AGMO: variants seen among roughly 807,000 people sequenced by gnomAD.
The protein encoded by AGMO is alkylglycerol monooxygenase.
Under a neutral mutation model 60.2 loss-of-function variants are expected in AGMO, and 75 were observed. The observed-to-expected ratio is 1.25, with a 90% CI of 1.03 to 1.51. The LOEUF (loss-of-function observed/expected upper bound fraction) is 1.51, where lower values mean the gene tolerates loss of function less well. Among genes scored for constraint, AGMO ranks in the 40% most tolerant of loss-of-function variants. AGMO has a pLI of 0.00. For missense variants in AGMO, 763 were observed against 525.5 expected (o/e 1.45, Z -4.42); for synonymous variants, 261 against 177.1 (o/e 1.47, Z -3.76).
chr7:15,265,385 A>T (rs898964925), intron 12 of AGMO, among the ~76,000 whole-genome samples: 1 of 152,040 alleles, frequency 6.6e-6, no homozygotes, highest in African/African-American at 2.4e-5. Context: ...AAGCCTCAGC[A>T]TCACGCAGTA....
rs1784280543 is a variant in AGMO at position 15,394,320 on chromosome 7, C to T, written c.610-141G>A. ...GGTATCAGAGAGTGGAAAAAAGTTC[C>T]ACTGAAATCTGGAATTCATATAAAG... On this transcript the variant is annotated intron_variant, in intron 5 of 12. Coordinates refer to ENST00000342526, the MANE Select transcript of AGMO (RefSeq NM_001004320.2). The T allele has an allele frequency of 4.5e-6, 3 of 661,112 alleles. No individual in the cohort carries two copies. The South Asian group carries it at 5.7e-5, about 13-fold the overall frequency. 41.0% of individuals were successfully genotyped at this position (661,112 alleles called of 1,614,324 possible).
chr7:15,297,018 CCT>C (rs899043580), intron 12 of AGMO, among the ~76,000 whole-genome samples: 17 of 151,944 alleles, frequency 1.1e-4, no homozygotes, highest in African/African-American at 3.9e-4. Flanking sequence ...GCTATTCATA[CCT>C]CTCTTTCTCA....
intron 10 of AGMO, among the ~76,000 whole-genome samples, chr7:15,383,885 T>A (rs1783800128): frequency 6.6e-6 from 1 of 152,184 alleles, no homozygotes; most frequent in Non-Finnish European, 1.5e-5. Context: ...TTAATCTGTT[T>A]ATGTATTGAC....
At chr7:15,373,978 C>A (rs1783339532) in intron 10 of AGMO, among the ~76,000 whole-genome samples, 1 of 152,168 alleles carries the variant, frequency 6.6e-6, no homozygotes, top group Non-Finnish European at 1.5e-5. Flanking sequence ...GCTTTCTTGG[C>A]ATACTTATCC....
intron 12 of AGMO, among the ~76,000 whole-genome samples, chr7:15,349,063 T>C (rs758023633): frequency 5.9e-5 from 9 of 152,146 alleles, no homozygotes; most frequent in Non-Finnish European, 1.3e-4. Flanking sequence ...AGTAACACTT[T>C]ATGAGTACAA....
intron 12 of AGMO, among the ~76,000 whole-genome samples, chr7:15,362,495 A>C (rs150168239): frequency 6.6e-6 from 1 of 152,202 alleles, no homozygotes; most frequent in African/African-American, 2.4e-5. Context: ...GTAATTTATC[A>C]ATTTCTTCCT....
intron 12 of AGMO, among the ~76,000 whole-genome samples, chr7:15,236,796 T>C (rs1322318059): frequency 6.6e-6 from 1 of 152,006 alleles, no homozygotes; most frequent in Non-Finnish European, 1.5e-5. Flanking sequence ...GTCTAGTTAC[T>C]AGTTAGTGAT....
chr7:15,370,214 T>C (rs891397280), intron 10 of AGMO, among the ~76,000 whole-genome samples: 4 of 152,200 alleles, frequency 2.6e-5, no homozygotes, highest in African/African-American at 9.7e-5. Context: ...TGCATTCACG[T>C]TGCTGCAAAG....
chr7:15,425,297 A>T (rs141215230), intron 4 of AGMO, among the ~76,000 whole-genome samples: 2,091 of 152,206 alleles, frequency 0.014, 38 homozygotes, highest in African/African-American at 0.044. Flanking sequence ...ATAAATGAAT[A>T]TATTTTTAAA....
chr7:15,374,690 T>A (rs980870002), intron 10 of AGMO, among the ~76,000 whole-genome samples: 2 of 152,056 alleles, frequency 1.3e-5, no homozygotes, highest in Non-Finnish European at 2.9e-5. Flanking sequence ...ACAAATGACA[T>A]GATCCATATT....
At chr7:15,362,882 T>A (rs1782819726) in intron 12 of AGMO, among the ~76,000 whole-genome samples, 1 of 152,242 alleles carries the variant, frequency 6.6e-6, no homozygotes, top group Non-Finnish European at 1.5e-5. Flanking sequence ...AGTATTATCA[T>A]CATTACATGG....
At chr7:15,415,854 G>A (rs1363569053) in intron 5 of AGMO, among the ~76,000 whole-genome samples, 2 of 151,984 alleles carry the variant, frequency 1.3e-5, no homozygotes, top group African/African-American at 4.8e-5. Context: ...TTCACAAGAA[G>A]AGACTATAAC....
intron 12 of AGMO, among the ~76,000 whole-genome samples, chr7:15,317,954 C>CTATATATATATATACACACACACGTA (rs1563083797): frequency 7.1e-6 from 1 of 140,672 alleles, no homozygotes; most frequent in Non-Finnish European, 1.5e-5. Flanking sequence ...CACACACACA[C>CTATATATATATATACACACACACGTA]TATATATATA....
At chr7:15,431,164 T>G in intron 3 of AGMO, 56 bp from the exon 4 acceptor site, 4 of 1,229,850 alleles carry the variant, frequency 3.3e-6, no homozygotes, top group Non-Finnish European at 3.6e-6. Context: ...GCAACTTCCA[T>G]TTTCAGTTAT....
chr7:15,255,629 T>A (rs924607095), intron 12 of AGMO, among the ~76,000 whole-genome samples: 6 of 150,844 alleles, frequency 4.0e-5, no homozygotes, highest in Admixed American at 2.0e-4. Flanking sequence ...ATATTAGCAA[T>A]CAGAATTCAA....
intron 3 of AGMO, among the ~76,000 whole-genome samples, chr7:15,463,420 A>G (rs527244443): frequency 2.6e-5 from 4 of 152,300 alleles, no homozygotes; most frequent in Admixed American, 1.3e-4. Context: ...ATTTTTCCAG[A>G]ACCTCTCTTA....
At chr7:15,229,136 C>T (rs1414337254) in intron 12 of AGMO, among the ~76,000 whole-genome samples, 1 of 152,080 alleles carries the variant, frequency 6.6e-6, no homozygotes, top group Non-Finnish European at 1.5e-5. Context: ...CAGAAAACAT[C>T]TGGGTCCCAT....
At chr7:15,229,725 T>A (rs545605334) in intron 12 of AGMO, among the ~76,000 whole-genome samples, 1,358 of 123,804 alleles carry the variant, frequency 0.011, 23 homozygotes, top group African/African-American at 0.055. Context: ...ATATTATATA[T>A]AAATTATATA....
intron 3 of AGMO, among the ~76,000 whole-genome samples, chr7:15,539,837 G>A (rs1002788547): frequency 3.3e-5 from 5 of 152,032 alleles, no homozygotes; most frequent in Admixed American, 1.3e-4. Context: ...ATTCTGACTA[G>A]TGTAAGAAGG....
Sources: gnomAD v4.1 joint callset for allele counts (sites outside exome capture counted in the v4.1 genomes callset) on GRCh38, gnomAD v4.1.1 for gene constraint, MANE v1.5 for transcripts, NCBI Gene and HGNC (gene_info 2026-07-23, HGNC 2026-07-21) for gene names.